The following ZNF215 variants were observed in gnomAD, a reference collection of about 807,000 sequenced individuals.
ZNF215 encodes the protein BWSCR2-associated zinc finger protein 2.
ZNF215 carries 24 observed loss-of-function variants against 27.2 expected under a neutral mutation model. The observed-to-expected ratio is 0.88, with a 90% confidence interval of 0.64 to 1.24. The LOEUF is 1.24. Ranked by LOEUF, ZNF215 falls within the 50% of genes most tolerant of loss-of-function variation. The pLI is 0.00. For missense variants in ZNF215, 675 were observed against 605.7 expected, an observed-to-expected ratio of 1.11 and a Z score of -1.20; for synonymous variants, 210 against 204.0, an observed-to-expected ratio of 1.03 and a Z score of -0.25.
At position 6,955,983 on chromosome 11, in the gene ZNF215, A is replaced by C; in HGVS notation, c.1006A>C (p.Lys336Gln). 2.5e-6 allele frequency: 4 copies of C among 1,612,988 alleles called. No individual in the cohort carries two copies. Among genetic ancestry groups the C allele is most frequent in the Non-Finnish European group, 3.4e-6 (4 of 1,179,746 alleles). Residue 336 changes from lysine to glutamine, a missense_variant, in exon 7 of 7, where the codon AAG becomes CAG. Coordinates refer to ENST00000278319, the MANE Select transcript of ZNF215 (RefSeq NM_013250.4). ...AAGAAAGGGGTCTCCAAAATGTGAT[A>C]AGTTTAAAACTTACTTCAAATTTAA... is the stretch of plus-strand genomic sequence containing the variant. ...PSRKGSPKCD[K>Q]FKTYFKFNLD...
Position 6,978,238 on chromosome 11 carries a change from G to A in ZNF215, c.806-5891G>A, listed in dbSNP as rs1336902400. On this transcript the variant is annotated intron_variant, in intron 5 of 5. Coordinates refer to the ZNF215 transcript ENST00000529903. ...ATAACACTCAGCAATAAAAAGGAAT[G>A]TGCCCCTATACATGCAACATGGATG... Among the ~76,000 whole-genome samples the A allele has an allele frequency of 2.0e-5, 3 of 151,952 alleles. 1 individual carries two copies. The Admixed American group carries it at 2.0e-4, about 10-fold the overall frequency.
At position 6,932,286 on chromosome 11, in the gene ZNF215, G is replaced by A. The variant is rs1451252738; in HGVS notation, c.14G>A (p.Ser5Asn). 6.2e-7 allele frequency: 1 copy of A among 1,613,768 alleles called. No homozygotes were observed. The highest frequency in any genetic ancestry group is 1.1e-5 in the South Asian group (1 of 91,068). Residue 5 changes from serine (S) to asparagine (N), a missense_variant, in exon 3 of 7, where the codon AGC (serine) becomes AAC (asparagine). By Grantham distance (46) the Ser-to-Asn change is conservative. Transcript: ENST00000278319. ...CTATTTAGGAAGATGCAGCCTCTGA[G>A]CAAGTTGATGGCTATCTCAAAACCT... MQPL[S>N]KLMAISKPRN... is the part of the protein sequence containing the mutation.
In ZNF215 at chr11:6,955,540, CTTTTA is replaced by C. The variant is rs1259725894; in HGVS notation, c.713-148_713-144del. The C allele has an allele frequency of 3.2e-5, 24 of 751,142 alleles. No individual in the cohort carries two copies. In the East Asian group the frequency reaches 5.0e-4, roughly 16 times the overall value. 46.5% of individuals were successfully genotyped at this position (751,142 alleles called of 1,614,324 possible). On this transcript the variant is annotated intron_variant, in intron 6 of 6. Coordinates refer to ENST00000278319, the MANE Select transcript of ZNF215 (RefSeq NM_013250.4). ...TTTAACATTTTTGTACCATTTATTT[CTTTTA>C]TAAGTATTTTTTTCTAACCTTGCCT...
At chr11:6,955,474 G>T (rs1362806869) in intron 6 of ZNF215, among the ~76,000 whole-genome samples, 1 of 151,990 alleles carries the variant, frequency 6.6e-6, no homozygotes, top group Non-Finnish European at 1.5e-5. Context: ...CGTTTTTTTA[G>T]TATTCCAGAA....
intron 2 of ZNF215, among the ~76,000 whole-genome samples, chr11:6,931,436 C>G (rs1328038292): frequency 6.6e-6 from 1 of 152,100 alleles, no homozygotes; most frequent in African/African-American, 2.4e-5. Context: ...TGTTTTTTGC[C>G]TTCTGAGTAA....
intron 6 of ZNF215, among the ~76,000 whole-genome samples, chr11:6,953,384 G>C (rs1850169850): frequency 6.6e-6 from 1 of 152,230 alleles, no homozygotes; most frequent in Non-Finnish European, 1.5e-5. Context: ...ATCAGACGTA[G>C]ATTTGGTCTC....
At chr11:6,980,344 T>C (rs922359106) in intron 5 of ZNF215, among the ~76,000 whole-genome samples, 1 of 152,102 alleles carries the variant, frequency 6.6e-6, no homozygotes, top group Non-Finnish European at 1.5e-5. Context: ...TGTTCTGTAA[T>C]CATAAATATC....
downstream of ZNF215, among the ~76,000 whole-genome samples, chr11:6,961,339 G>A (rs1850514135): frequency 1.3e-5 from 2 of 152,234 alleles, no homozygotes; most frequent in African/African-American, 2.4e-5. Context: ...GGGAGCTGAA[G>A]AGAATTGGTA....
At chr11:6,983,726 G>A (rs929666745) in intron 5 of ZNF215, among the ~76,000 whole-genome samples, 1 of 151,908 alleles carries the variant, frequency 6.6e-6, no homozygotes, top group Non-Finnish European at 1.5e-5. Context: ...TAGAAAATAC[G>A]AATAAAACCA....
chr11:6,961,538 A>G (rs1312059459), downstream of ZNF215, among the ~76,000 whole-genome samples: 3 of 152,104 alleles, frequency 2.0e-5, no homozygotes, highest in African/African-American at 4.8e-5. Flanking sequence ...CAGTTCTCTT[A>G]CCTTCACTGT....
In ZNF215 at chr11:6,932,375, AC is replaced by A; in HGVS notation, c.105del (p.Asn36ThrfsTer22). On this transcript the variant is annotated frameshift_variant, in exon 3 of 7. Transcript: ENST00000278319. LOFTEE classifies it high-confidence loss of function. ...LRADMSWQQETNPVVETHDSE... is the reference protein window; with the variant it reads ...LRADMSWQQEXNPVVETHDSE... Reference sequence around the variant, plus strand: ...AGCAGATATGTCTTGGCAGCAGGAAACCAACCCCGTCGTGGAGACACATGAC... The same window carrying A: ...AGCAGATATGTCTTGGCAGCAGGAAACAACCCCGTCGTGGAGACACATGAC... The A allele has an allele frequency of 1.2e-6, 2 of 1,614,202 alleles. No individual in the cohort carries two copies. The highest frequency in any genetic ancestry group is 1.7e-6 in the Non-Finnish European group (2 of 1,180,042).
chr11:6,991,226 C>T (rs1446851371), downstream of ZNF215, among the ~76,000 whole-genome samples: 1 of 152,218 alleles, frequency 6.6e-6, no homozygotes, highest in Non-Finnish European at 1.5e-5. Context: ...CTTACTATTT[C>T]TTTGCCTGCG....
chr11:6,941,607 G>A lies in ZNF215; in HGVS notation c.437G>A (p.Ser146Asn), dbSNP rs566216656. The A allele has an allele frequency of 9.3e-5, 150 of 1,614,074 alleles. 1 individual carries two copies. The South Asian group carries it at 1.6e-3, about 17-fold the overall frequency. ...AAGGACTCTGCCCTGCAGATGGGGA[G>A]CATCAAGGAGAAAATGAAAGCTGGC... ...PCKDSALQMG[S>N]IKEKMKAGSR... The change falls in exon 4 of 7, where the codon AGC (serine) becomes AAC (asparagine). Residue 146 changes from serine (S) to asparagine (N), a missense_variant. Physicochemically the swap from Ser to Asn is conservative, Grantham distance 46. Coordinates refer to ENST00000278319, the MANE Select transcript of ZNF215 (RefSeq NM_013250.4).
downstream of ZNF215, among the ~76,000 whole-genome samples, chr11:6,959,644 T>G (rs1181785193): frequency 2.0e-5 from 3 of 152,186 alleles, no homozygotes; most frequent in African/African-American, 7.2e-5. Flanking sequence ...GTGTCTGGAA[T>G]GAGAAGACTA....
downstream of ZNF215, among the ~76,000 whole-genome samples, chr11:6,986,094 G>T (rs1457738724): frequency 1.3e-5 from 2 of 151,994 alleles, no homozygotes; most frequent in Non-Finnish European, 2.9e-5. Flanking sequence ...AAAGAACAAA[G>T]CCAGAGGCAT....
chr11:6,932,970 A>G (rs1221953437), intron 3 of ZNF215, among the ~76,000 whole-genome samples: 2 of 152,238 alleles, frequency 1.3e-5, no homozygotes, highest in African/African-American at 2.4e-5. Context: ...ATAAAGTATT[A>G]TTGGAACATA....
At chr11:6,969,968 G>A (rs1025288627) in intron 5 of ZNF215, among the ~76,000 whole-genome samples, 1 of 152,116 alleles carries the variant, frequency 6.6e-6, no homozygotes, top group African/African-American at 2.4e-5. Flanking sequence ...TTTTAGTAGA[G>A]ATGGGGTTTC....
chr11:6,976,673 A>T (rs1047734906), intron 5 of ZNF215, among the ~76,000 whole-genome samples: 1 of 149,176 alleles, frequency 6.7e-6, no homozygotes, highest in Admixed American at 6.6e-5. Context: ...TCACCTGGAG[A>T]GGTAACTTAC....
downstream of ZNF215, among the ~76,000 whole-genome samples, chr11:6,987,595 A>G (rs141903477): frequency 5.0e-3 from 766 of 152,306 alleles, 7 homozygotes; most frequent in African/African-American, 0.017. Context: ...ATGTATATCT[A>G]TCTTTTGTTA....
Sources: allele counts gnomAD v4.1 joint callset (sites outside exome capture counted in the v4.1 genomes callset), GRCh38; gene constraint gnomAD v4.1.1; transcripts MANE v1.5; gene names NCBI Gene and HGNC (gene_info 2026-07-23, HGNC 2026-07-21).